RMDN2: variants seen among roughly 807,000 people sequenced by gnomAD.
The protein encoded by RMDN2 is regulator of microtubule dynamics protein 2.
A neutral mutation model predicts 52.8 loss-of-function variants in RMDN2; 61 were observed. That is an observed-to-expected ratio of 1.16 (90% CI 0.94 to 1.43). RMDN2 has a LOEUF of 1.43. Among genes scored for constraint, RMDN2 ranks in the 40% most tolerant of loss-of-function variants. The pLI, the probability that RMDN2 is intolerant of heterozygous loss-of-function variation, is 0.00. For missense variants in RMDN2, 592 were observed against 475.3 expected, an observed-to-expected ratio of 1.25 and a Z score of -2.28; for synonymous variants, 180 against 153.1, an observed-to-expected ratio of 1.18 and a Z score of -1.30.
intron 7 of RMDN2, among the ~76,000 whole-genome samples, chr2:37,993,349 C>T (rs986271290): frequency 1.3e-5 from 2 of 152,274 alleles, no homozygotes; most frequent in South Asian, 4.1e-4. Flanking sequence ...CAGGGGGAAT[C>T]AGCTTCCGCC....
At chr2:37,950,511 G>A (rs1163922666) in intron 2 of RMDN2, 2 of 1,612,748 alleles carry the variant, frequency 1.2e-6, no homozygotes, top group African/African-American at 2.7e-5. Context: ...ACCTCTACAG[G>A]GCATTTTATG....
chr2:37,970,797 C>A (rs1247126648), intron 2 of RMDN2, among the ~76,000 whole-genome samples: 3 of 151,982 alleles, frequency 2.0e-5, no homozygotes, highest in African/African-American at 4.8e-5. Context: ...AGCTTTATAC[C>A]TTTATAAAAG....
intron 2 of RMDN2, among the ~76,000 whole-genome samples, chr2:37,947,607 G>T (rs973716671): frequency 6.6e-6 from 1 of 152,110 alleles, no homozygotes; most frequent in African/African-American, 2.4e-5. Flanking sequence ...GAATGTTGCT[G>T]TTACTGTCCA....
chr2:38,055,420 T>C (rs1681821586), intron 10 of RMDN2, among the ~76,000 whole-genome samples: 3 of 152,134 alleles, frequency 2.0e-5, no homozygotes, highest in African/African-American at 2.4e-5. Context: ...AAAATGTCTT[T>C]GGCTCTTAGA....
At chr2:38,049,170 G>A (rs528215959) in intron 10 of RMDN2, among the ~76,000 whole-genome samples, 5 of 152,230 alleles carry the variant, frequency 3.3e-5, no homozygotes, top group South Asian at 4.2e-4. Flanking sequence ...CTTATTACAC[G>A]GTCGCCTAGG....
At chr2:38,019,537 T>C, downstream of RMDN2, among the ~76,000 whole-genome samples, 1 of 152,186 alleles carries the variant, frequency 6.6e-6, no homozygotes, top group East Asian at 1.9e-4. Flanking sequence ...CATTTGGCCT[T>C]TTCTCCAAAT....
Position 37,929,423 on chromosome 2 carries a change from T to C in RMDN2, c.146T>C (p.Phe49Ser). The C allele has an allele frequency of 6.4e-7, 1 of 1,551,598 alleles. No individual in the cohort carries two copies. The highest frequency in any genetic ancestry group is 2.4e-5 in the East Asian group (1 of 40,910). Residue 49 changes from phenylalanine (F) to serine (S), a missense_variant, in exon 2 of 11, where the codon TTT (phenylalanine) becomes TCT (serine). Phe to Ser is a radical substitution (Grantham distance 155, BLOSUM62 -2). Coordinates refer to ENST00000354545, the MANE Select transcript of RMDN2 (RefSeq NM_001170791.3). ...LPEFLSLGNT[F>S]NSITLQDEIH... ...GAATTTCTTTCTCTGGGTAATACAT[T>C]TAATTCAATAACTTTGCAAGATGAA...
At chr2:38,018,191 C>G (rs1449422785), downstream of RMDN2, among the ~76,000 whole-genome samples, 1 of 152,168 alleles carries the variant, frequency 6.6e-6, no homozygotes, top group African/African-American at 2.4e-5. Flanking sequence ...GCTGAGAGGC[C>G]TGACACTAGC....
chr2:38,041,423 AT>A lies in RMDN2; in HGVS notation c.1714-25557del, dbSNP rs1680941190. On this transcript the variant is annotated intron_variant, in intron 10 of 10. Coordinates refer to the RMDN2 transcript ENST00000234195. The stretch of plus-strand genomic sequence containing the variant: ...TATTTCTTCTTTCCTCATTTTTTTT[AT>A]TGGTTTTTTTTTTTTTTTTGGACGT... Among the ~76,000 whole-genome samples, 4 of 81,174 alleles carry A rather than the reference AT, an allele frequency of 4.9e-5. No individual in the cohort carries two copies. In the South Asian group the frequency reaches 2.3e-3, roughly 46 times the overall value. 53.3% of individuals were successfully genotyped at this position (81,174 alleles called of 152,430 possible). A position where few individuals can be genotyped will look rare whatever the true frequency, so the allele number is the denominator to read the frequency against.
At position 37,958,649 on chromosome 2, in the gene RMDN2, C is replaced by A. The variant is rs917974580; in HGVS notation, c.453-15391C>A. Among the ~76,000 whole-genome samples the A allele has an allele frequency of 8.0e-5, 12 of 150,764 alleles. 1 individual carries two copies. The highest frequency in any genetic ancestry group is 3.0e-4 in the African/African-American group (12 of 40,110). On this transcript the variant is annotated intron_variant, in intron 2 of 10. Transcript: ENST00000354545. ...TTTATTTATTTATCTTGCCTGGTTG[C>A]CCTGGCCAGAACTTCCAATACTGTG...
intron 5 of RMDN2, among the ~76,000 whole-genome samples, chr2:37,987,186 G>A (rs1674134809): frequency 6.6e-6 from 1 of 152,116 alleles, no homozygotes; most frequent in Non-Finnish European, 1.5e-5. Context: ...AAGAAGTGGA[G>A]TTTGAAATTA....
intron 7 of RMDN2, among the ~76,000 whole-genome samples, chr2:37,994,199 A>T (rs1279498439): frequency 1.3e-5 from 2 of 152,206 alleles, no homozygotes; most frequent in East Asian, 1.9e-4. Context: ...ACCTAAAAAG[A>T]CTTCAGATTT....
intron 1 of RMDN2, among the ~76,000 whole-genome samples, chr2:37,927,219 T>C (rs886125711): frequency 6.6e-6 from 1 of 152,234 alleles, no homozygotes; most frequent in Non-Finnish European, 1.5e-5. Context: ...CAGTCAGTAC[T>C]CTCCTTCACC....
chr2:37,978,675 G>T (rs1415067567), intron 4 of RMDN2, among the ~76,000 whole-genome samples: 1 of 152,006 alleles, frequency 6.6e-6, no homozygotes, highest in Non-Finnish European at 1.5e-5. Context: ...AAAATAACAC[G>T]ACTGAGGTGG....
Position 38,050,067 on chromosome 2 carries a change from G to A in RMDN2, c.1714-16915G>A, listed in dbSNP as rs1328644638. 2.0e-5 allele frequency among the ~76,000 whole-genome samples: 3 copies of A among 152,230 alleles called. No homozygotes were observed. The East Asian group carries it at 5.8e-4, about 29-fold the overall frequency. On this transcript the variant is annotated intron_variant, in intron 10 of 10. Transcript: ENST00000234195. Reference sequence around the variant, plus strand: ...TATTTATCTCCATTTTACACATGAGGAAACAGCCACTTGAAGAGGTTCACT... The same window carrying A: ...TATTTATCTCCATTTTACACATGAGAAAACAGCCACTTGAAGAGGTTCACT...
intron 4 of RMDN2, among the ~76,000 whole-genome samples, chr2:37,978,471 G>A (rs2125088773): frequency 6.6e-6 from 1 of 152,280 alleles, no homozygotes; most frequent in African/African-American, 2.4e-5. Context: ...TTGTAGGGGA[G>A]GCAGCACTAG....
intron 2 of RMDN2, among the ~76,000 whole-genome samples, chr2:37,973,718 G>A (rs978388129): frequency 9.2e-5 from 14 of 152,050 alleles, no homozygotes; most frequent in African/African-American, 2.7e-4. Flanking sequence ...CTAAGGAAAC[G>A]GCGTTTCATT....
chr2:38,002,865 C>A (rs1448174170), intron 8 of RMDN2: 3 of 152,170 alleles, frequency 2.0e-5, no homozygotes, highest in Admixed American at 6.5e-5. Context: ...TGTGTTCTAC[C>A]CCCCTCTAGG....
chr2:37,937,797 G>C (rs933191479), intron 2 of RMDN2, among the ~76,000 whole-genome samples: 1 of 152,114 alleles, frequency 6.6e-6, no homozygotes, highest in African/African-American at 2.4e-5. Context: ...GGGCTGAGAC[G>C]ATGAGGTTTT....
Sources: allele counts gnomAD v4.1 joint callset (sites outside exome capture counted in the v4.1 genomes callset), GRCh38; gene constraint gnomAD v4.1.1; transcripts MANE v1.5; gene names NCBI Gene and HGNC (gene_info 2026-07-23, HGNC 2026-07-21).